Variants in FRMD4B observed in about 807,000 individuals in gnomAD.
FRMD4B encodes FERM domain-containing protein 4B.
A neutral mutation model predicts 141.5 loss-of-function variants in FRMD4B; 74 were observed. The observed-to-expected ratio is 0.52, with a 90% CI of 0.43 to 0.63. The LOEUF (loss-of-function observed/expected upper bound fraction) is 0.63, where lower values mean the gene tolerates loss of function less well. Ranked by LOEUF, FRMD4B falls within the 30% of genes least tolerant of loss-of-function variation. FRMD4B has a pLI of 0.00. For missense variants in FRMD4B, 1,366 were observed against 1,253.4 expected (o/e 1.09, Z -1.36); for synonymous variants, 506 against 467.9 (o/e 1.08, Z -1.05).
intron 1 of FRMD4B, among the ~76,000 whole-genome samples, chr3:69,441,570 T>C (rs1292896207): frequency 2.0e-5 from 3 of 152,190 alleles, no homozygotes; most frequent in Non-Finnish European, 4.4e-5. Context: ...AACTCTTTAT[T>C]GGTGTATTAT....
chr3:69,245,341 G>GTTT (rs1205581839), intron 7 of FRMD4B, among the ~76,000 whole-genome samples: 14 of 146,760 alleles, frequency 9.5e-5, no homozygotes, highest in African/African-American at 3.8e-4. Context: ...GTGTGTGTGT[G>GTTT]TGTGTGTGTG....
At chr3:69,410,722 AATAAATATATATATAT>A (rs1415862904) in intron 2 of FRMD4B, among the ~76,000 whole-genome samples, 14 of 58,542 alleles carry the variant, frequency 2.4e-4, no homozygotes, top group East Asian at 1.7e-3. Context: ...TAAATAAATA[AATAAATATATATATAT>A]ATATATATAT....
intron 1 of FRMD4B, among the ~76,000 whole-genome samples, chr3:69,501,361 G>A (rs1051532951): frequency 2.7e-5 from 4 of 150,848 alleles, no homozygotes; most frequent in Non-Finnish European, 5.9e-5. Flanking sequence ...TGGCATATAT[G>A]TATTACCATA....
chr3:69,311,490 G>C, intron 2 of FRMD4B, 133 bp from the exon 3 acceptor site: 1 of 588,756 alleles, frequency 1.7e-6, no homozygotes, highest in Non-Finnish European at 3.1e-6. Flanking sequence ...CCTTGTTTGT[G>C]GATTAGGTTG....
chr3:69,177,434 G>A (rs1239566572), intron 21 of FRMD4B, among the ~76,000 whole-genome samples: 1 of 152,126 alleles, frequency 6.6e-6, no homozygotes, highest in Non-Finnish European at 1.5e-5. Flanking sequence ...AGTAACGCTT[G>A]AGCCCAGGAG....
intron 1 of FRMD4B, 32 bp downstream of exon 1, chr3:69,385,796 G>A (rs755313684): frequency 1.3e-6 from 2 of 1,503,616 alleles, no homozygotes; most frequent in Non-Finnish European, 8.9e-7. Flanking sequence ...GCATCCTGCT[G>A]GGGCCCTCGG....
At chr3:69,268,386 A>G (rs1308705959) in intron 5 of FRMD4B, among the ~76,000 whole-genome samples, 1 of 152,104 alleles carries the variant, frequency 6.6e-6, no homozygotes, top group Middle Eastern at 3.4e-3. Context: ...CAGGGAGACA[A>G]TTGGAGAACA....
At chr3:69,247,327 C>G (rs1357552044) in intron 7 of FRMD4B, among the ~76,000 whole-genome samples, 1 of 152,040 alleles carries the variant, frequency 6.6e-6, no homozygotes, top group Non-Finnish European at 1.5e-5. Flanking sequence ...TGAGTGTGAG[C>G]TTTTGGGCCC....
At position 69,171,945 on chromosome 3, in the gene FRMD4B, A is replaced by T. The variant is rs1251637087; in HGVS notation, c.3021T>A (p.Asp1007Glu). The change falls in exon 23 of 23, where the codon GAT (aspartate) becomes GAA (glutamate). Residue 1007 changes from aspartate to glutamate, a missense_variant. By Grantham distance (45) the Asp-to-Glu change is conservative. Coordinates refer to ENST00000398540, the MANE Select transcript of FRMD4B (RefSeq NM_015123.3). ...CCAGGTTGTCTTCCAGCTGGTTTCC[A>T]TCTGTACCATCCAGTTGACTGATTT... ...YTEISQLDGT[D>E]GNQLEDNLES... 10 of 1,612,950 alleles carry T rather than the reference A, an allele frequency of 6.2e-6. No homozygotes were observed. The South Asian group carries it at 8.8e-5, about 14-fold the overall frequency.
rs144375644 is a variant in FRMD4B, at chr3:69,341,585, C to T, written c.163-28068G>A. Among the ~76,000 whole-genome samples the T allele has an allele frequency of 1.8e-3, 279 of 152,280 alleles. 2 individuals are homozygous for T. Among genetic ancestry groups the T allele is most frequent in the African/African-American group, 6.5e-3 (271 of 41,556 alleles). ...ACCACACTTCTGGCAGGCTCAAATA[C>T]AGTTAGGTGCTAAAGAGTTCCAGAA... is the stretch of plus-strand genomic sequence containing the variant. On this transcript the variant is annotated intron_variant, in intron 1 of 22. Transcript: ENST00000398540.
At chr3:69,252,571 A>C (rs2093469930) in intron 5 of FRMD4B, among the ~76,000 whole-genome samples, 1 of 152,204 alleles carries the variant, frequency 6.6e-6, no homozygotes, top group African/African-American at 2.4e-5. Flanking sequence ...TGACTGCCAA[A>C]GTTCTTTGAC....
chr3:69,419,051 T>C (rs1472508389), intron 2 of FRMD4B, among the ~76,000 whole-genome samples: 1 of 152,018 alleles, frequency 6.6e-6, no homozygotes, highest in Non-Finnish European at 1.5e-5. Flanking sequence ...CAAAGTGCAC[T>C]GGGAAGAAAA....
intron 1 of FRMD4B, among the ~76,000 whole-genome samples, chr3:69,323,576 AC>A (rs1431741311): frequency 6.9e-6 from 1 of 145,872 alleles, no homozygotes. Context: ...AAAAAACAAA[AC>A]AAAAACCCAA....
At chr3:69,506,074 G>C (rs1387603531) in intron 1 of FRMD4B, among the ~76,000 whole-genome samples, 4 of 152,042 alleles carry the variant, frequency 2.6e-5, no homozygotes, top group Admixed American at 6.6e-5. Flanking sequence ...CTTCACCCCT[G>C]GACACGCTTC....
rs1219342263 is a variant in FRMD4B, at chr3:69,410,706, T to TATAA, written c.-1+21924_-1+21927dup. On this transcript the variant is annotated intron_variant, in intron 2 of 5. Transcript: ENST00000459638. ...ATGGAACAAGGGAAAAAAAGAAATA[T>TATAA]ATAAATAAATAAATAAATAAATATA... is the stretch of plus-strand genomic sequence containing the variant. Among the ~76,000 whole-genome samples, 551 of 114,272 alleles carry TATAA rather than the reference T, an allele frequency of 4.8e-3. 5 individuals carry two copies. Among genetic ancestry groups the TATAA allele is most frequent in the South Asian group, 5.8e-3 (19 of 3,256 alleles). The allele number at this position is 114,272 out of a possible 152,430, so 75.0% of individuals were successfully genotyped here.
intron 1 of FRMD4B, among the ~76,000 whole-genome samples, chr3:69,503,008 T>C (rs1036695556): frequency 1.3e-5 from 2 of 152,154 alleles, no homozygotes; most frequent in Non-Finnish European, 2.9e-5. Context: ...CCAGTTAGAA[T>C]AGCGATCATT....
intron 7 of FRMD4B, chr3:69,228,724 G>A (rs555237909): frequency 4.1e-4 from 123 of 297,078 alleles, no homozygotes; most frequent in African/African-American, 2.5e-3. Flanking sequence ...TGTGGTTTCA[G>A]CTACTTGGGA....
At chr3:69,410,657 A>G (rs1704738099) in intron 2 of FRMD4B, among the ~76,000 whole-genome samples, 1 of 150,068 alleles carries the variant, frequency 6.7e-6, no homozygotes, top group African/African-American at 2.4e-5. Flanking sequence ...ATCTTCTCTT[A>G]ATAAAAGTAA....
rs190563687 is a variant in FRMD4B, at chr3:69,348,531, A to G, written c.163-35014T>C. 3.4e-4 allele frequency among the ~76,000 whole-genome samples: 52 copies of G among 152,304 alleles called. No individual in the cohort carries two copies. In the East Asian group the frequency reaches 7.5e-3, roughly 22 times the overall value. On this transcript the variant is annotated intron_variant, in intron 1 of 22. Transcript: ENST00000398540. ...CCAAAGGCTGGCAGAGACACAACAAAAAAAGAGAATTTTAGACCAATATCC... is the reference window on the plus strand; with the variant it reads ...CCAAAGGCTGGCAGAGACACAACAAGAAAAGAGAATTTTAGACCAATATCC...
Sources: gnomAD v4.1 joint callset for allele counts (sites outside exome capture counted in the v4.1 genomes callset) on GRCh38, gnomAD v4.1.1 for gene constraint, MANE v1.5 for transcripts, NCBI Gene and HGNC (gene_info 2026-07-23, HGNC 2026-07-21) for gene names.